The following MYO5B variants were observed in gnomAD, a reference collection of about 807,000 sequenced individuals.
MYO5B encodes myosin VB, also known as unconventional myosin-Vb.
Under a neutral mutation model 229.3 loss-of-function variants are expected in MYO5B, and 143 were observed. The ratio of observed to expected loss-of-function variants is 0.62; its 90% CI spans 0.54 to 0.72. MYO5B has a LOEUF of 0.72. Ranked by LOEUF, MYO5B falls within the 30% of genes least tolerant of loss-of-function variation. The probability of loss-of-function intolerance (pLI) is 0.00; values close to 1 mark genes in which losing one functional copy is unlikely to be tolerated. For missense variants in MYO5B, 2,321 were observed against 2,331.0 expected (o/e 1.00, Z 0.09); for synonymous variants, 918 against 885.2 (o/e 1.04, Z -0.66).
intron 29 of MYO5B, 46 bp downstream of exon 29, chr18:49,863,181 C>A: frequency 6.8e-7 from 1 of 1,466,112 alleles, no homozygotes. Context: ...TGGGCAGGGC[C>A]CTTCTCCGCG....
chr18:49,889,719 T>C lies in MYO5B; in HGVS notation c.3045+5222A>G, dbSNP rs536963407. 3.9e-5 allele frequency among the ~76,000 whole-genome samples: 6 copies of C among 152,342 alleles called. No individual in the cohort carries two copies. The East Asian group carries it at 9.6e-4, about 24-fold the overall frequency. On this transcript the variant is annotated intron_variant, in intron 22 of 39. Transcript: ENST00000285039. Reference sequence around the variant, plus strand: ...TATCCCTCTGAAATGGAACATGCCATCTGACCAGCACAGAGCGCATGACAT... The same window carrying C: ...TATCCCTCTGAAATGGAACATGCCACCTGACCAGCACAGAGCGCATGACAT...
intron 18 of MYO5B, among the ~76,000 whole-genome samples, chr18:49,908,159 A>C (rs1206689222): frequency 2.6e-5 from 4 of 152,172 alleles, no homozygotes; most frequent in Non-Finnish European, 5.9e-5. Flanking sequence ...CGGAAAAAAA[A>C]CAGGAAGGGA....
At position 50,013,359 on chromosome 18, in the gene MYO5B, G is replaced by A. The variant is rs114827030; in HGVS notation, c.456-11948C>T. Among the ~76,000 whole-genome samples, 311 of 152,260 alleles carry A rather than the reference G, an allele frequency of 2.0e-3. 1 individual carries two copies. The highest frequency in any genetic ancestry group is 7.0e-3 in the African/African-American group (289 of 41,538). ...TATGCCAACTCCATGCCTCCACACA[G>A]CACCTTAGGCTTCTGAGGCATCCCT... On this transcript the variant is annotated intron_variant, in intron 4 of 39. Coordinates refer to ENST00000285039, the MANE Select transcript of MYO5B (RefSeq NM_001080467.3).
chr18:50,052,449 A>G (rs113025160), intron 2 of MYO5B, among the ~76,000 whole-genome samples: 24,220 of 147,998 alleles, frequency 0.16, 2,000 homozygotes, highest in East Asian at 0.22. Context: ...GTAAACTATC[A>G]CAAGGACAAA....
intron 2 of MYO5B, among the ~76,000 whole-genome samples, chr18:50,040,913 G>A (rs927351256): frequency 2.0e-5 from 3 of 152,172 alleles, no homozygotes; most frequent in Non-Finnish European, 4.4e-5. Context: ...TCTCAGATGC[G>A]AGGTGTTATC....
chr18:50,090,672 T>C (rs964133070), intron 1 of MYO5B, among the ~76,000 whole-genome samples: 1 of 152,176 alleles, frequency 6.6e-6, no homozygotes, highest in Non-Finnish European at 1.5e-5. Context: ...AATGTGGTTT[T>C]AAAAATCAAA....
chr18:49,922,899 T>C (rs570797086), intron 17 of MYO5B, among the ~76,000 whole-genome samples: 3 of 152,214 alleles, frequency 2.0e-5, no homozygotes, highest in Admixed American at 6.5e-5. Flanking sequence ...GTGGGCATCT[T>C]GACTCTGCTG....
intron 11 of MYO5B, among the ~76,000 whole-genome samples, 168 bp from the exon 12 acceptor site, chr18:49,962,574 C>T (rs953682712): frequency 1.3e-5 from 2 of 152,144 alleles, no homozygotes; most frequent in Admixed American, 6.5e-5. Flanking sequence ...CACAGTTAGG[C>T]GATTCCTCAT....
chr18:50,070,791 C>A (rs756243681), intron 1 of MYO5B, among the ~76,000 whole-genome samples: 8 of 151,886 alleles, frequency 5.3e-5, no homozygotes, highest in Non-Finnish European at 1.0e-4. Flanking sequence ...CCCCCCGGCC[C>A]CTGCACACCC....
At position 50,051,071 on chromosome 18, in the gene MYO5B, A is replaced by G. The variant is rs552620458; in HGVS notation, c.138+4197T>C. ...TGTGCAGGTATAACATGCCCAAACC[A>G]AGATAGTGATTCCACATATTGGCAG... On this transcript the variant is annotated intron_variant, in intron 2 of 39. Coordinates refer to ENST00000285039, the MANE Select transcript of MYO5B (RefSeq NM_001080467.3). 4.6e-5 allele frequency among the ~76,000 whole-genome samples: 7 copies of G among 152,376 alleles called. No homozygotes were observed. In the South Asian group the frequency reaches 1.4e-3, roughly 32 times the overall value.
chr18:49,828,094 G>A (rs1187519720), intron 39 of MYO5B, among the ~76,000 whole-genome samples: 1 of 152,130 alleles, frequency 6.6e-6, no homozygotes, highest in Non-Finnish European at 1.5e-5. Context: ...TCTGCATCCT[G>A]TGAATACTGA....
At chr18:49,986,263 T>C (rs2025869402) in intron 7 of MYO5B, among the ~76,000 whole-genome samples, 1 of 152,152 alleles carries the variant, frequency 6.6e-6, no homozygotes, top group Admixed American at 6.5e-5. Flanking sequence ...CTCTCCTTCC[T>C]CACCTCCCCC....
rs570349266 is a variant in MYO5B, at chr18:49,931,779, A to G, written c.2004-2181T>C. Among the ~76,000 whole-genome samples the G allele has an allele frequency of 3.9e-4, 60 of 152,226 alleles. 1 individual carries two copies. The highest frequency in any genetic ancestry group is 6.9e-4 in the Non-Finnish European group (47 of 68,002). On this transcript the variant is annotated intron_variant, in intron 16 of 39. Transcript: ENST00000285039. ...CGGGCTCCCCTGCTCACAGGCTCTC[A>G]CTGCTAAAGCTGTCAGCCAGGCCCT...
chr18:50,072,950 G>A (rs1229039631), intron 1 of MYO5B, among the ~76,000 whole-genome samples: 1 of 152,158 alleles, frequency 6.6e-6, no homozygotes, highest in East Asian at 1.9e-4. Flanking sequence ...GCCATCAGCT[G>A]AGTTGAAGCC....
intron 17 of MYO5B, among the ~76,000 whole-genome samples, chr18:49,923,915 T>G (rs1158723533): frequency 6.6e-6 from 1 of 152,118 alleles, no homozygotes; most frequent in Non-Finnish European, 1.5e-5. Context: ...ACCTCCTACC[T>G]GACAAGTCCT....
Position 50,151,939 on chromosome 18 carries a change from C to T in MYO5B, c.27+42828G>A, listed in dbSNP as rs371235559. ...CCGCTCCAGGGATGCACAAGACCTG[C>T]AGCCCAGAGAGCCTACATCCTGGGG... On this transcript the variant is annotated intron_variant, in intron 1 of 39. Transcript: ENST00000285039. Among the ~76,000 whole-genome samples, 5 of 152,322 alleles carry T rather than the reference C, an allele frequency of 3.3e-5. No homozygotes were observed. The East Asian group carries it at 5.8e-4, about 18-fold the overall frequency.
At chr18:49,976,656 G>C (rs189532587) in intron 9 of MYO5B, among the ~76,000 whole-genome samples, 1 of 152,276 alleles carries the variant, frequency 6.6e-6, no homozygotes, top group Admixed American at 6.5e-5. Context: ...CCTGCCTTCT[G>C]GCCCAGAGCT....
At chr18:50,180,566 A>C (rs951327061) in intron 1 of MYO5B, among the ~76,000 whole-genome samples, 22 of 152,252 alleles carry the variant, frequency 1.4e-4, no homozygotes, top group African/African-American at 5.3e-4. Flanking sequence ...AAAATTTAGC[A>C]TTGTCATCTT....
Position 50,113,549 on chromosome 18 carries a change from G to A in MYO5B, c.28-58171C>T, listed in dbSNP as rs567011373. ...GAAGCTGCTATCTCCTTTTCTTTAT[G>A]CCTGAACATCAAGTGTGGCCTCGTA... is the stretch of plus-strand genomic sequence containing the variant. On this transcript the variant is annotated intron_variant, in intron 1 of 39. Coordinates refer to ENST00000285039, the MANE Select transcript of MYO5B (RefSeq NM_001080467.3). 3.9e-5 allele frequency among the ~76,000 whole-genome samples: 6 copies of A among 152,322 alleles called. No individual in the cohort carries two copies. In the East Asian group the frequency reaches 1.2e-3, roughly 29 times the overall value.
Sources: gnomAD v4.1 joint callset for allele counts (sites outside exome capture counted in the v4.1 genomes callset) on GRCh38, gnomAD v4.1.1 for gene constraint, MANE v1.5 for transcripts, NCBI Gene and HGNC (gene_info 2026-07-23, HGNC 2026-07-21) for gene names.